COMMD10: variants seen among roughly 807,000 people sequenced by gnomAD.
COMMD10 encodes the protein COMM domain containing 10.
In COMMD10, 33 loss-of-function variants were observed where a neutral mutation model predicts 28.9. The ratio of observed to expected loss-of-function variants is 1.14; its 90% confidence interval spans 0.87 to 1.53. COMMD10 has a LOEUF of 1.53. Among genes scored for constraint, COMMD10 ranks in the 40% most tolerant of loss-of-function variants. The pLI is 0.00. For synonymous variants in COMMD10, 110 were observed against 81.7 expected (o/e 1.35, Z -1.87); for missense variants, 310 against 233.4 (o/e 1.33, Z -2.14).
At chr5:116,153,841 A>G (rs1752616595) in intron 5 of COMMD10, among the ~76,000 whole-genome samples, 1 of 152,084 alleles carries the variant, frequency 6.6e-6, no homozygotes, top group Admixed American at 6.6e-5. Flanking sequence ...CCATTTGCCA[A>G]ATGTGAAGAG....
At chr5:116,170,166 A>C (rs112422305) in intron 5 of COMMD10, among the ~76,000 whole-genome samples, 8 of 152,336 alleles carry the variant, frequency 5.3e-5, no homozygotes, top group African/African-American at 1.9e-4. Context: ...CAGTGTGCAC[A>C]AATCACAAGC....
At chr5:116,262,818 C>G (rs1254647351) in intron 5 of COMMD10, among the ~76,000 whole-genome samples, 1 of 151,690 alleles carries the variant, frequency 6.6e-6, no homozygotes, top group Admixed American at 6.6e-5. Flanking sequence ...GGCAATATTT[C>G]TATGTCAAAT....
intron 5 of COMMD10, among the ~76,000 whole-genome samples, chr5:116,204,872 C>T (rs77285160): frequency 0.029 from 4,369 of 152,192 alleles, 104 homozygotes; most frequent in East Asian, 0.13. Context: ...AGGTTCCCAT[C>T]GCAATTTTAG....
chr5:116,087,835 G>A (rs559366523), intron 2 of COMMD10, among the ~76,000 whole-genome samples: 2 of 152,288 alleles, frequency 1.3e-5, no homozygotes, highest in South Asian at 4.1e-4. Flanking sequence ...GTATGTATTC[G>A]AGGGTGATTA....
chr5:116,235,191 TAAG>T (rs1026557699), intron 5 of COMMD10, among the ~76,000 whole-genome samples: 19 of 152,180 alleles, frequency 1.2e-4, no homozygotes. Flanking sequence ...GGGCTGCTAA[TAAG>T]AAGCTCTCAG....
At chr5:116,180,177 G>A (rs1580525754) in intron 5 of COMMD10, among the ~76,000 whole-genome samples, 1 of 152,040 alleles carries the variant, frequency 6.6e-6, no homozygotes, top group East Asian at 1.9e-4. Context: ...ACTTAGAGAC[G>A]CTTGGGTTAC....
intron 5 of COMMD10, among the ~76,000 whole-genome samples, chr5:116,150,392 A>G (rs1752484553): frequency 6.6e-6 from 1 of 152,196 alleles, no homozygotes; most frequent in Non-Finnish European, 1.5e-5. Context: ...AATTCTGTGA[A>G]GAAAGTCACT....
At chr5:116,201,534 G>A (rs2112623534) in intron 5 of COMMD10, among the ~76,000 whole-genome samples, 1 of 152,238 alleles carries the variant, frequency 6.6e-6, no homozygotes, top group South Asian at 2.1e-4. Flanking sequence ...ATTTACATCT[G>A]TCTCTCCAAT....
intron 5 of COMMD10, among the ~76,000 whole-genome samples, chr5:116,188,096 C>G (rs951518518): frequency 6.6e-6 from 1 of 152,142 alleles, no homozygotes; most frequent in Non-Finnish European, 1.5e-5. Flanking sequence ...ATAATGGAAA[C>G]TAACCTAGAT....
At chr5:116,238,746 C>T (rs1441991763) in intron 5 of COMMD10, among the ~76,000 whole-genome samples, 1 of 152,148 alleles carries the variant, frequency 6.6e-6, no homozygotes, top group Non-Finnish European at 1.5e-5. Context: ...ATGGGGTAAA[C>T]ACCCAGGGAA....
chr5:116,096,492 G>A (rs1450593287), intron 4 of COMMD10, among the ~76,000 whole-genome samples: 3 of 151,848 alleles, frequency 2.0e-5, no homozygotes, highest in Admixed American at 6.6e-5. Flanking sequence ...TTTCTTATAG[G>A]TTTTTTGTGA....
intron 5 of COMMD10, among the ~76,000 whole-genome samples, chr5:116,285,538 A>G (rs1341385255): frequency 1.3e-5 from 2 of 151,984 alleles, no homozygotes; most frequent in Non-Finnish European, 2.9e-5. Flanking sequence ...CTAAGTCATT[A>G]TGGATTGAAA....
chr5:116,170,175 G>A (rs1192428166), intron 5 of COMMD10, among the ~76,000 whole-genome samples: 1 of 152,126 alleles, frequency 6.6e-6, no homozygotes, highest in African/African-American at 2.4e-5. Flanking sequence ...CAAATCACAA[G>A]CATTCCTATA....
chr5:116,248,730 C>G (rs1750028266), intron 5 of COMMD10, among the ~76,000 whole-genome samples: 3 of 151,700 alleles, frequency 2.0e-5, no homozygotes, highest in Admixed American at 1.3e-4. Flanking sequence ...CCTTTTCTAC[C>G]AACTTTAAAA....
At chr5:116,150,567 C>T (rs1331164559) in intron 5 of COMMD10, among the ~76,000 whole-genome samples, 3 of 139,470 alleles carry the variant, frequency 2.2e-5, no homozygotes, top group South Asian at 4.5e-4. Flanking sequence ...TGAAGAGGTC[C>T]TTCACATCCC....
At chr5:116,132,099 A>C (rs1004789537) in intron 4 of COMMD10, among the ~76,000 whole-genome samples, 1 of 152,026 alleles carries the variant, frequency 6.6e-6, no homozygotes, top group African/African-American at 2.4e-5. Context: ...GCCCAGTTAG[A>C]AGACTATTGT....
chr5:116,156,138 T>G (rs891414812), intron 5 of COMMD10, among the ~76,000 whole-genome samples: 1 of 152,096 alleles, frequency 6.6e-6, no homozygotes, highest in Non-Finnish European at 1.5e-5. Flanking sequence ...AAATAAAGGG[T>G]TAAGCTGTCC....
chr5:116,170,874 A>T (rs1158558073), intron 5 of COMMD10, among the ~76,000 whole-genome samples: 1 of 152,250 alleles, frequency 6.6e-6, no homozygotes, highest in African/African-American at 2.4e-5. Context: ...ACCTAAAACC[A>T]TAAAAACCCT....
chr5:116,117,461 T>A (rs1050783356), intron 4 of COMMD10, among the ~76,000 whole-genome samples: 1 of 152,176 alleles, frequency 6.6e-6, no homozygotes, highest in Non-Finnish European at 1.5e-5. Flanking sequence ...TAGTCATTCT[T>A]TTTTGTTTGT....
Sources: allele counts gnomAD v4.1 joint callset (sites outside exome capture counted in the v4.1 genomes callset), GRCh38; gene constraint gnomAD v4.1.1; transcripts MANE v1.5; gene names NCBI Gene and HGNC (gene_info 2026-07-23, HGNC 2026-07-21).